ADAM22: variants seen among roughly 807,000 people sequenced by gnomAD.
The protein encoded by ADAM22 is disintegrin and metalloproteinase domain-containing protein 22.
Under a neutral mutation model 144.6 loss-of-function variants are expected in ADAM22, and 65 were observed. That is an observed-to-expected ratio of 0.45 (90% CI 0.37 to 0.55). The LOEUF (loss-of-function observed/expected upper bound fraction) is 0.55, where lower values mean the gene tolerates loss of function less well. Ranked by LOEUF, ADAM22 falls within the 20% of genes least tolerant of loss-of-function variation. The pLI, the probability that ADAM22 is intolerant of heterozygous loss-of-function variation, is 0.00. For synonymous variants in ADAM22, 391 were observed against 412.6 expected (o/e 0.95, Z 0.63); for missense variants, 974 against 1,184.9 (o/e 0.82, Z 2.61).
At chr7:87,986,100 A>G (rs1285373073) in intron 3 of ADAM22, among the ~76,000 whole-genome samples, 2 of 152,180 alleles carry the variant, frequency 1.3e-5, no homozygotes, top group African/African-American at 4.8e-5. Flanking sequence ...TTTGAAATCT[A>G]CGTTGAACTT....
chr7:87,973,228 C>A (rs181206593), intron 2 of ADAM22, among the ~76,000 whole-genome samples: 1 of 152,106 alleles, frequency 6.6e-6, no homozygotes, highest in Non-Finnish European at 1.5e-5. Flanking sequence ...CTACAACGAA[C>A]TCAAACAAAT....
intron 29 of ADAM22, 122 bp from the exon 30 acceptor site, chr7:88,186,493 G>T: frequency 1.3e-6 from 1 of 749,108 alleles, no homozygotes; most frequent in Non-Finnish European, 2.4e-6. Context: ...CATCCATTCT[G>T]GTTTATTTGC....
At chr7:88,047,387 T>C (rs1456368633) in intron 3 of ADAM22, among the ~76,000 whole-genome samples, 1 of 152,236 alleles carries the variant, frequency 6.6e-6, no homozygotes, top group Non-Finnish European at 1.5e-5. Context: ...TGAATCCTGA[T>C]TTGACTGTTC....
chr7:88,049,218 C>G (rs1805515972), intron 3 of ADAM22, among the ~76,000 whole-genome samples: 1 of 152,194 alleles, frequency 6.6e-6, no homozygotes. Flanking sequence ...CCTAACATCT[C>G]TGAGTCTCAC....
At chr7:88,127,453 G>A (rs36004514) in intron 8 of ADAM22, among the ~76,000 whole-genome samples, 11,414 of 151,824 alleles carry the variant, frequency 0.075, 534 homozygotes, top group African/African-American at 0.12. Context: ...AGCAGCTCCT[G>A]TTGCCCTAAA....
At chr7:87,935,990 T>G (rs1841159386) in intron 2 of ADAM22, among the ~76,000 whole-genome samples, 1 of 152,228 alleles carries the variant, frequency 6.6e-6, no homozygotes, top group Admixed American at 6.5e-5. Flanking sequence ...CACCCACCTG[T>G]AAGTCCATAT....
chr7:88,182,238 TG>T lies in ADAM22; in HGVS notation c.2663+219del. On this transcript the variant is annotated intron_variant, in intron 29 of 31. Transcript: ENST00000413139. ...TTCCCATACCAATATTCATTGATAG[TG>T]GGGGTCTCACCTGCAGGCTTTTTCC... The T allele has an allele frequency of 8.6e-6, 4 of 465,812 alleles. No individual in the cohort carries two copies. In the South Asian group the frequency reaches 1.5e-4, roughly 18 times the overall value. 28.9% of individuals were successfully genotyped at this position (465,812 alleles called of 1,614,324 possible).
intron 3 of ADAM22, among the ~76,000 whole-genome samples, chr7:88,048,627 T>C (rs1213302324): frequency 6.6e-6 from 1 of 152,160 alleles, no homozygotes; most frequent in Non-Finnish European, 1.5e-5. Flanking sequence ...TGCTTCCTAA[T>C]ATACCATTTC....
intron 25 of ADAM22, 39 bp from the exon 26 acceptor site, chr7:88,171,505 C>G (rs753786795): frequency 1.3e-6 from 2 of 1,575,734 alleles, no homozygotes; most frequent in Non-Finnish European, 1.7e-6. Context: ...GTAACTAACT[C>G]TTATGTTTTT....
chr7:88,009,611 C>T (rs1172513478), intron 3 of ADAM22, among the ~76,000 whole-genome samples: 1 of 142,476 alleles, frequency 7.0e-6, no homozygotes, highest in African/African-American at 2.6e-5. Context: ...AAAAAAAGTG[C>T]ATTTATATTG....
At chr7:88,062,176 TCTC>T in intron 3 of ADAM22, among the ~76,000 whole-genome samples, 1 of 151,044 alleles carries the variant, frequency 6.6e-6, no homozygotes, top group East Asian at 2.0e-4. Flanking sequence ...GGTATTGACT[TCTC>T]CTCTCTGGCT....
At chr7:88,002,167 C>T (rs189291186) in intron 3 of ADAM22, among the ~76,000 whole-genome samples, 4 of 152,248 alleles carry the variant, frequency 2.6e-5, no homozygotes, top group South Asian at 2.1e-4. Flanking sequence ...GGAAATCCAG[C>T]GTAGTTCTGG....
chr7:88,053,094 A>G (rs958811585), intron 3 of ADAM22, among the ~76,000 whole-genome samples: 1 of 152,112 alleles, frequency 6.6e-6, no homozygotes, highest in Non-Finnish European at 1.5e-5. Context: ...ATTTATTGTC[A>G]GTCTCCTTCT....
chr7:88,121,215 A>G (rs1050607597), intron 7 of ADAM22, among the ~76,000 whole-genome samples: 2 of 152,042 alleles, frequency 1.3e-5, no homozygotes, highest in African/African-American at 4.8e-5. Flanking sequence ...ATTTTTGGCT[A>G]TTCTGGGCCC....
At chr7:87,975,482 T>G (rs546475193) in intron 2 of ADAM22, among the ~76,000 whole-genome samples, 1 of 152,308 alleles carries the variant, frequency 6.6e-6, no homozygotes, top group South Asian at 2.1e-4. Flanking sequence ...AAAACTATGT[T>G]AACATACTCC....
intron 3 of ADAM22, among the ~76,000 whole-genome samples, chr7:88,000,870 C>CT (rs1299627442): frequency 6.6e-6 from 1 of 152,118 alleles, no homozygotes; most frequent in Non-Finnish European, 1.5e-5. Context: ...AGTGGAATGA[C>CT]TAAGAGGAGA....
At chr7:88,153,059 A>G (rs1188377187) in intron 20 of ADAM22, among the ~76,000 whole-genome samples, 162 bp from the exon 21 acceptor site, 2 of 152,172 alleles carry the variant, frequency 1.3e-5, no homozygotes, top group Non-Finnish European at 2.9e-5. Context: ...ATGGATATAT[A>G]TGATCCATGG....
intron 3 of ADAM22, among the ~76,000 whole-genome samples, chr7:88,014,576 C>A (rs1796142421): frequency 6.6e-6 from 1 of 152,086 alleles, no homozygotes; most frequent in Non-Finnish European, 1.5e-5. Context: ...AAACCCGTCT[C>A]TACTAAAAAT....
intron 22 of ADAM22, among the ~76,000 whole-genome samples, chr7:88,158,230 C>T (rs1024854372): frequency 2.0e-5 from 3 of 152,162 alleles, no homozygotes; most frequent in Admixed American, 2.0e-4. Flanking sequence ...GCACCCAACA[C>T]AGGAGCACCC....
Sources: allele counts gnomAD v4.1 joint callset (sites outside exome capture counted in the v4.1 genomes callset), GRCh38; gene constraint gnomAD v4.1.1; transcripts MANE v1.5; gene names NCBI Gene and HGNC (gene_info 2026-07-23, HGNC 2026-07-21).